Variants in SERPINE2 observed in about 807,000 individuals in gnomAD.
SERPINE2 encodes the protein glia-derived nexin.
In SERPINE2, 14 loss-of-function variants were observed where a neutral mutation model predicts 36.3. The ratio of observed to expected loss-of-function variants is 0.39; its 90% CI spans 0.25 to 0.60. SERPINE2 has a LOEUF of 0.60. Among genes scored for constraint, SERPINE2 ranks in the 20% least tolerant of loss-of-function variants. SERPINE2 has a pLI of 0.57. For missense variants in SERPINE2, 418 were observed against 499.6 expected (o/e 0.84, Z 1.56); for synonymous variants, 192 against 191.8 (o/e 1.00, Z -0.01).
rs563258696 is a variant in SERPINE2, at chr2:224,018,440, T to C, written c.-22-16518A>G. Among the ~76,000 whole-genome samples the C allele has an allele frequency of 1.4e-4, 22 of 152,208 alleles. No individual in the cohort carries two copies. The South Asian group carries it at 3.9e-3, about 27-fold the overall frequency. On this transcript the variant is annotated intron_variant, in intron 1 of 8. Coordinates refer to ENST00000409304, the MANE Select transcript of SERPINE2 (RefSeq NM_001136528.2). ...GTTTAGATGGATGAAATACCTCATA[T>C]AGAAAATGCTTGATCATTGCTCAAA... is the stretch of plus-strand genomic sequence containing the variant.
chr2:224,012,595 T>G (rs1352715246), intron 1 of SERPINE2, among the ~76,000 whole-genome samples: 11 of 62,932 alleles, frequency 1.7e-4, no homozygotes, highest in Non-Finnish European at 3.7e-4. Flanking sequence ...AGAGCGAGAC[T>G]CCATCCCAAA....
intron 1 of SERPINE2, among the ~76,000 whole-genome samples, chr2:224,025,794 T>C (rs573283691): frequency 6.6e-6 from 1 of 152,302 alleles, no homozygotes; most frequent in Non-Finnish European, 1.5e-5. Flanking sequence ...CCCTTCAGAG[T>C]GACCAAGAAA....
At chr2:224,005,065 T>TTATATATTTA (rs1553547022) in intron 1 of SERPINE2, among the ~76,000 whole-genome samples, 15 of 33,570 alleles carry the variant, frequency 4.5e-4, no homozygotes, top group Admixed American at 2.9e-3. Context: ...TTTATATATA[T>TTATATATTTA]TATATATATA....
chr2:223,984,228 G>C (rs917391941), intron 5 of SERPINE2, among the ~76,000 whole-genome samples: 3 of 152,140 alleles, frequency 2.0e-5, no homozygotes, highest in African/African-American at 4.8e-5. Context: ...AGGATTTGGG[G>C]TTACTTTTCC....
chr2:223,998,299 G>T lies in SERPINE2; in HGVS notation c.303C>A (p.Ser101=). The T allele has an allele frequency of 6.2e-7, 1 of 1,614,070 alleles. No homozygotes were observed. The highest frequency in any genetic ancestry group is 8.5e-7 in the Non-Finnish European group (1 of 1,179,938). ...ILKKINKAIV[S]KKNKDIVTVA... The stretch of plus-strand genomic sequence containing the variant: ...CTGTCACAATGTCTTTATTCTTCTT[G>T]GAGACGATGGCCTTGTTGATCTTCT... Residue 101 remains serine (S), a synonymous_variant, in exon 3 of 9, where the codon TCC becomes TCA. Transcript: ENST00000409304.
In SERPINE2 at chr2:223,992,126, T is replaced by C. The variant is rs1197880276; in HGVS notation, c.488-126A>G. On this transcript the variant is annotated intron_variant, in intron 3 of 8. Coordinates refer to ENST00000409304, the MANE Select transcript of SERPINE2 (RefSeq NM_001136528.2). ...GATTTTTAAGGAGTGTTAAAGAGAA[T>C]CTTCTTAAACTACCCTTTTGTACTT... The C allele has an allele frequency of 1.0e-5, 8 of 791,770 alleles. No individual in the cohort carries two copies. In the Admixed American group the frequency reaches 1.2e-4, roughly 11 times the overall value. The allele number at this position is 791,770 out of a possible 1,614,324, so 49.0% of individuals were successfully genotyped here.
intron 5 of SERPINE2, among the ~76,000 whole-genome samples, chr2:223,984,084 C>T (rs1690333855): frequency 6.6e-6 from 1 of 151,880 alleles, no homozygotes; most frequent in Non-Finnish European, 1.5e-5. Context: ...CCACCAAGAC[C>T]TGGGTTGTTA....
intron 1 of SERPINE2, among the ~76,000 whole-genome samples, chr2:224,028,566 C>G (rs527700157): frequency 6.6e-6 from 1 of 152,308 alleles, no homozygotes; most frequent in East Asian, 1.9e-4. Flanking sequence ...CACAGAGAGA[C>G]ACAGACCCGG....
intron 8 of SERPINE2, 56 bp from the exon 9 acceptor site, chr2:223,975,960 A>G: frequency 6.8e-7 from 1 of 1,476,264 alleles, no homozygotes; most frequent in Non-Finnish European, 9.4e-7. Context: ...TCCTTAAAAT[A>G]AGATGGAAGG....
intron 4 of SERPINE2, among the ~76,000 whole-genome samples, chr2:223,991,361 C>T (rs1690664912): frequency 6.6e-6 from 1 of 152,172 alleles, no homozygotes; most frequent in Non-Finnish European, 1.5e-5. Context: ...CCTGCTTCCT[C>T]CCCACCAAAG....
intron 2 of SERPINE2, among the ~76,000 whole-genome samples, chr2:224,000,725 C>T (rs1691088343): frequency 6.6e-6 from 1 of 152,048 alleles, no homozygotes; most frequent in Non-Finnish European, 1.5e-5. Flanking sequence ...TGTGATGTTC[C>T]CCTCCCTGTG....
chr2:223,992,140 C>G, intron 3 of SERPINE2, 140 bp from the exon 4 acceptor site: 3 of 686,586 alleles, frequency 4.4e-6, no homozygotes, highest in East Asian at 2.8e-5. Context: ...CTTAAACTAC[C>G]CTTTTGTACT....
chr2:223,999,408 A>T (rs1198814429), intron 2 of SERPINE2, among the ~76,000 whole-genome samples: 1 of 152,152 alleles, frequency 6.6e-6, no homozygotes, highest in African/African-American at 2.4e-5. Flanking sequence ...ATCCTGCCAG[A>T]GTCACCTTGA....
At chr2:223,999,140 A>C (rs1184136177) in intron 2 of SERPINE2, among the ~76,000 whole-genome samples, 2 of 152,194 alleles carry the variant, frequency 1.3e-5, no homozygotes, top group Admixed American at 6.5e-5. Flanking sequence ...CATTAGAAAG[A>C]CTATAAAAAA....
At chr2:224,001,991 C>G (rs1425115554) in intron 1 of SERPINE2, 69 bp from the exon 2 acceptor site, 1 of 1,158,272 alleles carries the variant, frequency 8.6e-7, no homozygotes. Context: ...TTTTTTTTTT[C>G]CCCCAGATAG....
intron 1 of SERPINE2, among the ~76,000 whole-genome samples, chr2:224,006,846 C>A (rs1043211558): frequency 1.1e-4 from 16 of 152,196 alleles, no homozygotes; most frequent in Non-Finnish European, 1.5e-5. Context: ...CCCTCACCCC[C>A]ATGGCAAATG....
intron 3 of SERPINE2, among the ~76,000 whole-genome samples, chr2:223,997,016 G>A (rs58590133): frequency 0.26 from 40,003 of 152,026 alleles, 6,392 homozygotes; most frequent in African/African-American, 0.45. Flanking sequence ...GGTTGAGGCT[G>A]CAGTGAGCTA....
intron 1 of SERPINE2, among the ~76,000 whole-genome samples, chr2:224,019,582 A>T (rs920622090): frequency 6.6e-6 from 1 of 151,916 alleles, no homozygotes; most frequent in African/African-American, 2.4e-5. Context: ...CCAGCATGGC[A>T]CCCCAGCCTC....
chr2:223,997,927 C>G (rs1690956672), intron 3 of SERPINE2, among the ~76,000 whole-genome samples, 188 bp downstream of exon 3: 1 of 152,144 alleles, frequency 6.6e-6, no homozygotes. Context: ...GAAACACCTC[C>G]CAGGAGCACA....
Sources: gnomAD v4.1 joint callset for allele counts (sites outside exome capture counted in the v4.1 genomes callset) on GRCh38, gnomAD v4.1.1 for gene constraint, MANE v1.5 for transcripts, NCBI Gene and HGNC (gene_info 2026-07-23, HGNC 2026-07-21) for gene names.